ANKRD6: variants seen among roughly 807,000 people sequenced by gnomAD.
ANKRD6 encodes ankyrin repeat domain 6.
ANKRD6 carries 56 observed loss-of-function variants against 82.3 expected under a neutral mutation model. The observed-to-expected ratio is 0.68, with a 90% CI of 0.55 to 0.85. The LOEUF is 0.85. ANKRD6 is among the 40% of genes least tolerant of loss of function. The pLI is 0.00. For synonymous variants in ANKRD6, 347 were observed against 352.1 expected (o/e 0.99, Z 0.16); for missense variants, 852 against 907.6 (o/e 0.94, Z 0.79).
intron 1 of ANKRD6, among the ~76,000 whole-genome samples, chr6:89,511,557 T>G (rs1462636462): frequency 6.6e-6 from 1 of 152,226 alleles, no homozygotes; most frequent in Non-Finnish European, 1.5e-5. Context: ...TCCAGGTGAG[T>G]TACTAAACCT....
intron 1 of ANKRD6, among the ~76,000 whole-genome samples, chr6:89,443,748 T>G (rs887861268): frequency 6.6e-6 from 1 of 152,360 alleles, no homozygotes; most frequent in Non-Finnish European, 1.5e-5. Flanking sequence ...AAAAATTGTT[T>G]CGTAGCTCTA....
chr6:89,619,622 T>C (rs967695677), intron 9 of ANKRD6: 3 of 152,188 alleles, frequency 2.0e-5, no homozygotes, highest in Non-Finnish European at 4.4e-5. Context: ...AACAAATAAG[T>C]TGGATGGCAT....
At chr6:89,553,712 G>A (rs1009942434) in intron 1 of ANKRD6, among the ~76,000 whole-genome samples, 5 of 152,128 alleles carry the variant, frequency 3.3e-5, no homozygotes, top group African/African-American at 7.2e-5. Context: ...AGAGACCCCA[G>A]CCAGCGTGCC....
intron 1 of ANKRD6, among the ~76,000 whole-genome samples, chr6:89,537,958 C>G (rs556707318): frequency 6.6e-6 from 1 of 152,044 alleles, no homozygotes; most frequent in East Asian, 1.9e-4. Context: ...CAATCCCTCC[C>G]AAGTTACTTT....
chr6:89,586,684 TG>T (rs1243636326), intron 2 of ANKRD6, among the ~76,000 whole-genome samples: 1 of 150,616 alleles, frequency 6.6e-6, no homozygotes, highest in Non-Finnish European at 1.5e-5. Context: ...AAGACTGTCT[TG>T]GGGGAGAAAA....
At chr6:89,571,983 G>A (rs75790872) in intron 2 of ANKRD6, among the ~76,000 whole-genome samples, 1,759 of 152,176 alleles carry the variant, frequency 0.012, 32 homozygotes, top group African/African-American at 0.04. Flanking sequence ...TGTCTCCATA[G>A]TTTTACCTTT....
chr6:89,591,639 T>A (rs1794937018), intron 2 of ANKRD6, among the ~76,000 whole-genome samples: 1 of 152,210 alleles, frequency 6.6e-6, no homozygotes, highest in African/African-American at 2.4e-5. Context: ...GGCAGCCTCT[T>A]CTCCAAAGGG....
intron 1 of ANKRD6, among the ~76,000 whole-genome samples, chr6:89,534,516 G>A (rs2026651): frequency 0.32 from 49,389 of 152,050 alleles, 8,245 homozygotes; most frequent in Non-Finnish European, 0.34. Flanking sequence ...AGTTCATAAA[G>A]TGATTTTTTT....
At chr6:89,557,767 C>T (rs1285308312) in intron 1 of ANKRD6, among the ~76,000 whole-genome samples, 1 of 152,104 alleles carries the variant, frequency 6.6e-6, no homozygotes, top group Non-Finnish European at 1.5e-5. Flanking sequence ...CCTGAGCTCC[C>T]CCTCCTGTCA....
intron 1 of ANKRD6, among the ~76,000 whole-genome samples, chr6:89,472,553 G>A (rs1775601657): frequency 6.6e-6 from 1 of 152,096 alleles, no homozygotes; most frequent in Non-Finnish European, 1.5e-5. Flanking sequence ...CTGGGTCTTT[G>A]CCACCCACTG....
At chr6:89,470,656 A>T (rs1261552605) in intron 1 of ANKRD6, among the ~76,000 whole-genome samples, 1 of 138,652 alleles carries the variant, frequency 7.2e-6, no homozygotes, top group East Asian at 2.2e-4. Flanking sequence ...CTCCCCCTTT[A>T]AATGAGCATT....
intron 1 of ANKRD6, among the ~76,000 whole-genome samples, chr6:89,448,073 G>C (rs541958182): frequency 6.6e-6 from 1 of 152,192 alleles, no homozygotes; most frequent in African/African-American, 2.4e-5. Flanking sequence ...AGGAGCTAAT[G>C]CAACTGATGA....
intron 1 of ANKRD6, among the ~76,000 whole-genome samples, chr6:89,460,115 A>C (rs1773945123): frequency 6.6e-6 from 1 of 150,380 alleles, no homozygotes; most frequent in Non-Finnish European, 1.5e-5. Context: ...CTGAGTATCC[A>C]GACAGCCTTT....
chr6:89,591,567 AG>A (rs988210643), intron 2 of ANKRD6, among the ~76,000 whole-genome samples: 78 of 152,282 alleles, frequency 5.1e-4, no homozygotes, highest in African/African-American at 1.7e-3. Context: ...CACCCTTAAG[AG>A]GGGTTCCAGC....
chr6:89,555,169 C>T (rs539538838), intron 1 of ANKRD6, among the ~76,000 whole-genome samples: 26 of 142,290 alleles, frequency 1.8e-4, no homozygotes, highest in Admixed American at 4.4e-4. Context: ...CAGCTTTATT[C>T]TATCTCAACT....
At chr6:89,534,302 T>TC (rs2127994876) in intron 1 of ANKRD6, among the ~76,000 whole-genome samples, 1 of 152,330 alleles carries the variant, frequency 6.6e-6, no homozygotes, top group East Asian at 1.9e-4. Context: ...TTTCAATTAA[T>TC]TTATGATCCT....
Position 89,630,616 on chromosome 6 carries a change from C to G in ANKRD6, c.1796C>G (p.Pro599Arg). The part of the protein sequence containing the change: ...RNVKVQTALL[P>R]MNEAARSDQQ... ...GTCAAGGTCCAGACAGCCTTGCTAC[C>G]CATGAATGAGGCAGCCAGATCTGAT... The change falls in exon 16 of 16, where the codon CCC becomes CGC. Residue 599 changes from proline (P) to arginine (R), a missense_variant. Physicochemically the swap from Pro to Arg is moderately radical, Grantham distance 103 (BLOSUM62 -2). Coordinates refer to ENST00000339746, the MANE Select transcript of ANKRD6 (RefSeq NM_001242809.2). 3 of 1,613,916 alleles carry G rather than the reference C, an allele frequency of 1.9e-6. No individual in the cohort carries two copies. The highest frequency in any genetic ancestry group is 2.5e-6 in the Non-Finnish European group (3 of 1,179,834).
intron 1 of ANKRD6, among the ~76,000 whole-genome samples, chr6:89,447,123 A>T (rs1338218561): frequency 6.6e-6 from 1 of 152,164 alleles, no homozygotes; most frequent in East Asian, 1.9e-4. Flanking sequence ...GCATGGTGAT[A>T]TGCACCTGTA....
At chr6:89,606,217 G>A (rs978045685) in intron 5 of ANKRD6, 112 bp downstream of exon 5, 14 of 805,918 alleles carry the variant, frequency 1.7e-5, no homozygotes, top group Admixed American at 8.6e-5. Context: ...AGAGTGGCAC[G>A]AGGAACCTGA....
Sources: gnomAD v4.1 joint callset for allele counts (sites outside exome capture counted in the v4.1 genomes callset) on GRCh38, gnomAD v4.1.1 for gene constraint, MANE v1.5 for transcripts, NCBI Gene and HGNC (gene_info 2026-07-23, HGNC 2026-07-21) for gene names.